NLRP7: variants seen among roughly 807,000 people sequenced by gnomAD.
The protein encoded by NLRP7 is NLR family pyrin domain containing 7.
In NLRP7, 72 loss-of-function variants were observed where a neutral mutation model predicts 85.5. The ratio of observed to expected loss-of-function variants is 0.84; its 90% CI spans 0.70 to 1.02. The LOEUF is 1.02. Ranked by LOEUF, NLRP7 falls within the 50% of genes least tolerant of loss-of-function variation. The pLI, the probability that NLRP7 is intolerant of heterozygous loss-of-function variation, is 0.00. For missense variants in NLRP7, 1,243 were observed against 1,219.5 expected, an observed-to-expected ratio of 1.02 and a Z score of -0.29; for synonymous variants, 550 against 505.2, an observed-to-expected ratio of 1.09 and a Z score of -1.19.
intron 1 of NLRP7, among the ~76,000 whole-genome samples, chr19:54,955,968 A>AAAATAAATAAAT (rs138037990): frequency 3.3e-5 from 5 of 151,820 alleles, no homozygotes; most frequent in African/African-American, 9.7e-5. Flanking sequence ...CTGTGTCTCA[A>AAAATAAATAAAT]AAATAAATAA....
intron 1 of NLRP7, among the ~76,000 whole-genome samples, chr19:54,959,709 A>G (rs545475071): frequency 1.3e-5 from 2 of 152,044 alleles, no homozygotes; most frequent in African/African-American, 4.8e-5. Flanking sequence ...CAAAAAATAA[A>G]AAAATTAAAA....
chr19:54,959,724 T>C (rs927722346), intron 1 of NLRP7, among the ~76,000 whole-genome samples: 3 of 151,730 alleles, frequency 2.0e-5, no homozygotes, highest in African/African-American at 7.3e-5. Context: ...TTAAAATTAG[T>C]GCTTGGAAAA....
intron 5 of NLRP7, among the ~76,000 whole-genome samples, chr19:54,937,542 A>G (rs2068986162): frequency 6.6e-6 from 1 of 151,414 alleles, no homozygotes; most frequent in African/African-American, 2.4e-5. Context: ...AAAACACAAG[A>G]TTAAGTCATT....
chr19:54,962,660 C>G (rs562619300), intron 1 of NLRP7, among the ~76,000 whole-genome samples: 1 of 151,088 alleles, frequency 6.6e-6, no homozygotes, highest in East Asian at 2.0e-4. Flanking sequence ...AGTGCAGTGG[C>G]GCGATCTCAG....
At chr19:54,925,520 AGT>A (rs1256144241) in intron 9 of NLRP7, among the ~76,000 whole-genome samples, 1 of 152,032 alleles carries the variant, frequency 6.6e-6, no homozygotes, top group Non-Finnish European at 1.5e-5. Flanking sequence ...GAATAAGACA[AGT>A]GGGCTGTGCA....
In NLRP7 at chr19:54,938,028, A is replaced by G. The variant is rs756232816; in HGVS notation, c.2129+16T>C. ...CATCGTTCAGGGTCTTCCTTGCAAG[A>G]TGAGCTTCTACTTACTCCACTTTCT... On this transcript the variant is annotated intron_variant, in intron 5 of 9. Coordinates refer to ENST00000340844, the Ensembl canonical transcript of NLRP7. 3.7e-6 allele frequency: 6 copies of G among 1,602,340 alleles called. No individual in the cohort carries two copies. Among genetic ancestry groups the G allele is most frequent in the Non-Finnish European group, 8.6e-7 (1 of 1,169,320 alleles).
At position 54,934,929 on chromosome 19, in the gene NLRP7, T is replaced by A. The variant is rs2068842779; in HGVS notation, c.2301-270A>T. On this transcript the variant is annotated intron_variant, in intron 6 of 9. Transcript: ENST00000340844. The surrounding 1 kb of genome is among the most constrained non-coding windows in gnomAD (Gnocchi z 6.7). ...CCACACTGGTCTTGAACTCCTGACC[T>A]CAGGTGATCCACCCACCTTGGCCTA... 6.6e-6 allele frequency among the ~76,000 whole-genome samples: 1 copy of A among 152,086 alleles called. No homozygotes were observed. The highest frequency in any genetic ancestry group is 1.5e-5 in the Non-Finnish European group (1 of 68,020).
In NLRP7 at chr19:54,939,623, C is replaced by T. The variant is rs104895510; in HGVS notation, c.1196G>A (p.Cys399Tyr). 3.2e-4 allele frequency: 521 copies of T among 1,610,836 alleles called. No homozygotes were observed. Among genetic ancestry groups the T allele is most frequent in the Middle Eastern group, 2.8e-3 (15 of 5,426 alleles). ...CTGTGCGCCCTGCGGGAACCGGCTG[C>T]AGAGGAAACGCAGGAACAGCCCCGT... The change falls in exon 4 of 10, where the codon TGC becomes TAC. Residue 399 changes from cysteine to tyrosine, a missense_variant. Physicochemically the swap from Cys to Tyr is radical, Grantham distance 194. Around this residue, in one of 3 missense-constraint regions of NLRP7, gnomAD observed 591 missense variants for 563.3 expected, o/e 1.05. Transcript: ENST00000340844.
At chr19:54,931,860 A>AT (rs139352336) in intron 8 of NLRP7, among the ~76,000 whole-genome samples, 44,505 of 149,946 alleles carry the variant, frequency 0.3, 6,843 homozygotes, top group East Asian at 0.41. Flanking sequence ...AAAAAAAAAA[A>AT]CATCCAAATG....
At chr19:54,963,242 C>G (rs1011718563) in intron 1 of NLRP7, among the ~76,000 whole-genome samples, 3 of 151,220 alleles carry the variant, frequency 2.0e-5, no homozygotes, top group Non-Finnish European at 4.4e-5. Context: ...ATAAAAAATA[C>G]AAAAATCTAG....
intron 9 of NLRP7, among the ~76,000 whole-genome samples, chr19:54,924,383 G>C (rs1198644293): frequency 6.6e-6 from 1 of 152,220 alleles, no homozygotes; most frequent in Non-Finnish European, 1.5e-5. Flanking sequence ...AGCACTTTGG[G>C]AGGCCAAGGC....
chr19:54,928,461 G>A (rs1354523315), intron 9 of NLRP7, among the ~76,000 whole-genome samples: 2 of 152,112 alleles, frequency 1.3e-5, no homozygotes, highest in Non-Finnish European at 2.9e-5. Flanking sequence ...AAGGCAGAGG[G>A]GAGTGAGCAG....
rs146056353 is a variant in NLRP7, at chr19:54,937,458, G to A, written c.2129+586C>T. 3.5e-3 allele frequency among the ~76,000 whole-genome samples: 538 copies of A among 152,044 alleles called. 1 individual carries two copies. Among genetic ancestry groups the A allele is most frequent in the African/African-American group, 0.013 (520 of 41,478 alleles). ...TGTAATCCCAGCACTTTCGAAGACCGAGGCAGGCGCATCACCTTAGGTCAG... is the reference window on the plus strand; with the variant it reads ...TGTAATCCCAGCACTTTCGAAGACCAAGGCAGGCGCATCACCTTAGGTCAG... On this transcript the variant is annotated intron_variant, in intron 5 of 9. Transcript: ENST00000340844.
chr19:54,952,700 AACACAGTG>A (rs1186946981), intron 1 of NLRP7, among the ~76,000 whole-genome samples: 1 of 152,094 alleles, frequency 6.6e-6, no homozygotes, highest in Non-Finnish European at 1.5e-5. Flanking sequence ...TCTCTTCTGC[AACACAGTG>A]ACCCGGCAAA....
rs200193926 is a variant in NLRP7 at position 54,939,205 on chromosome 19, A to T, written c.1614T>A (p.Phe538Leu). 7.1e-5 allele frequency: 115 copies of T among 1,614,248 alleles called. 1 individual carries two copies. The South Asian group carries it at 9.1e-4, about 13-fold the overall frequency. The change falls in exon 4 of 10, where the codon TTT becomes TTA. Residue 538 changes from phenylalanine to leucine, a missense_variant. By Grantham distance (22) the Phe-to-Leu change is conservative. Around this residue, in one of 3 missense-constraint regions of NLRP7, gnomAD observed 613 missense variants for 588.4 expected, o/e 1.04. Coordinates refer to ENST00000340844, the Ensembl canonical transcript of NLRP7. ...TGATGTCCGGTGACATCCGGCAGCC[A>T]AAAGTGGCCTCCAACTCCTTGGCTC...
upstream of NLRP7, among the ~76,000 whole-genome samples, chr19:54,950,242 A>T (rs2069626109): frequency 6.6e-6 from 1 of 152,016 alleles, no homozygotes; most frequent in Non-Finnish European, 1.5e-5. Flanking sequence ...ACCTCCCCCT[A>T]CGCATCTCTT....
intron 9 of NLRP7, among the ~76,000 whole-genome samples, chr19:54,930,044 G>A (rs1417228643): frequency 1.3e-5 from 2 of 149,210 alleles, no homozygotes; most frequent in Admixed American, 1.4e-4. Context: ...GAACCCGGGA[G>A]GAAGAGGTTG....
At position 54,939,057 on chromosome 19, in the gene NLRP7, C is replaced by T. The variant is rs146872991; in HGVS notation, c.1762G>A (p.Val588Met). The T allele has an allele frequency of 4.1e-4, 661 of 1,614,210 alleles. 3 individuals are homozygous for T. Among genetic ancestry groups the T allele is most frequent in the Admixed American group, 2.7e-4 (16 of 60,010 alleles). The change falls in exon 4 of 10, where the codon GTG (valine) becomes ATG (methionine). Residue 588 changes from valine (V) to methionine (M), a missense_variant. Physicochemically the swap from Val to Met is conservative, Grantham distance 21 (BLOSUM62 1). This residue lies in a region of NLRP7 where 613 missense variants were observed against 588.4 expected (regional missense o/e 1.04). Coordinates refer to ENST00000340844, the Ensembl canonical transcript of NLRP7. ...ATAGAAATTTCCTTGAACGGGGCCA[C>T]CACCACCTTCGCCAGCTCCTCCTCC...
intron 9 of NLRP7, 112 bp downstream of exon 10, chr19:54,927,493 T>C (rs2146149737): frequency 4.0e-6 from 4 of 994,194 alleles, no homozygotes; most frequent in Non-Finnish European, 4.7e-6. Context: ...GAGGCAGAGG[T>C]TGCGGTGAGC....
Sources: gnomAD v4.1 joint callset for allele counts (sites outside exome capture counted in the v4.1 genomes callset) on GRCh38, gnomAD v4.1.1 for gene constraint, gnomAD v4.1.1 regional missense constraint, Gnocchi (gnomAD v3.1) non-coding constraint, MANE v1.5 for transcripts, NCBI Gene and HGNC (gene_info 2026-07-23, HGNC 2026-07-21) for gene names.